ABHD2: variants seen among roughly 807,000 people sequenced by gnomAD.
The protein encoded by ABHD2 is abhydrolase domain containing 2, acylglycerol lipase, also known as monoacylglycerol lipase ABHD2.
In ABHD2, 20 loss-of-function variants were observed where a neutral mutation model predicts 48.1. That is an observed-to-expected ratio of 0.42 (90% CI 0.29 to 0.60). ABHD2 has a LOEUF of 0.60. Among genes scored for constraint, ABHD2 ranks in the 20% least tolerant of loss-of-function variants. ABHD2 has a pLI of 0.24. For missense variants in ABHD2, 405 were observed against 550.9 expected (o/e 0.74, Z 2.65); for synonymous variants, 209 against 214.2 (o/e 0.98, Z 0.21).
Position 89,129,408 on chromosome 15 carries a change from C to T in ABHD2, c.194+12887C>T, listed in dbSNP as rs143228867. 3.3e-3 allele frequency among the ~76,000 whole-genome samples: 508 copies of T among 152,094 alleles called. 7 individuals carry two copies. The highest frequency in any genetic ancestry group is 0.012 in the African/African-American group (484 of 41,456). On this transcript the variant is annotated intron_variant, in intron 3 of 10. Transcript: ENST00000352732. ...CTGACCAAAGGCCATCTACCTTGGC[C>T]AGAAAGGATCAGGGATTTTTGAGAA...
chr15:89,140,711 G>A (rs1214899121), intron 3 of ABHD2, among the ~76,000 whole-genome samples: 4 of 152,088 alleles, frequency 2.6e-5, no homozygotes, highest in Non-Finnish European at 4.4e-5. Context: ...ACCTCTGCTG[G>A]TACCAGGGCC....
intron 5 of ABHD2, among the ~76,000 whole-genome samples, chr15:89,170,052 T>TCAGAGC (rs1596140877): frequency 7.2e-6 from 1 of 138,502 alleles, no homozygotes; most frequent in Non-Finnish European, 1.5e-5. Flanking sequence ...TTAAGATGGC[T>TCAGAGC]CAGAGCCATT....
At chr15:89,135,913 T>G in intron 3 of ABHD2, 18 of 566,448 alleles carry the variant, frequency 3.2e-5, no homozygotes, top group East Asian at 3.2e-5. Flanking sequence ...TTGGGTGCAC[T>G]GGGATCCTTT....
At chr15:89,064,090 GAGTAGA>G in the ABHD2 span, among the ~76,000 whole-genome samples, 1 of 151,912 alleles carries the variant, frequency 6.6e-6, no homozygotes, top group Non-Finnish European at 1.5e-5. Context: ...TATCTCATCT[GAGTAGA>G]ATCATACAGT....
upstream of ABHD2, among the ~76,000 whole-genome samples, chr15:89,083,312 T>G (rs773755482): frequency 6.6e-6 from 1 of 152,180 alleles, no homozygotes; most frequent in Non-Finnish European, 1.5e-5. The surrounding 1 kb of genome is among the most constrained non-coding windows in gnomAD (Gnocchi z 5.1). Context: ...TATCGACTGT[T>G]TTGCAATTAA....
In ABHD2 at chr15:89,151,990, C is replaced by CCCAACTTAGGGAGCA. The variant is rs1275761937; in HGVS notation, c.370+138_370+139insCCAACTTAGGGAGCA. 7 of 1,135,202 alleles carry CCCAACTTAGGGAGCA rather than the reference C, an allele frequency of 6.2e-6. No homozygotes were observed. The African/African-American group carries it at 1.1e-4, about 18-fold the overall frequency. 70.3% of individuals were successfully genotyped at this position (1,135,202 alleles called of 1,614,324 possible). A position where few individuals can be genotyped will look rare whatever the true frequency, so the allele number is the denominator to read the frequency against. ...GGCTGTTGGGAAGCCTGCTGGGATT[C>CCCAACTTAGGGAGCA]GTCACTTAGGAGCAGCCTGCAAAGG... On this transcript the variant is annotated intron_variant, in intron 4 of 10. Transcript: ENST00000352732. This position sits in a 1 kb window ranked among gnomAD's most constrained non-coding sequence, Gnocchi z 4.7.
intron 1 of ABHD2, among the ~76,000 whole-genome samples, chr15:89,107,526 C>A (rs370025981): frequency 1.1e-4 from 16 of 152,062 alleles, no homozygotes; most frequent in African/African-American, 3.9e-4. Context: ...ATGGTAATAG[C>A]GAATATTTTG....
the ABHD2 span, among the ~76,000 whole-genome samples, chr15:89,053,071 G>A: frequency 7.3e-5 from 11 of 151,638 alleles, no homozygotes; most frequent in South Asian, 6.3e-4. Context: ...GGGTTCAAGC[G>A]ATTCTCCTGC....
chr15:89,056,907 C>CTTTTTTTTTTT, the ABHD2 span, among the ~76,000 whole-genome samples: 1 of 119,098 alleles, frequency 8.4e-6, no homozygotes. Context: ...ATAAGTGATA[C>CTTTTTTTTTTT]CTTTTTTTTT....
intron 3 of ABHD2, among the ~76,000 whole-genome samples, chr15:89,149,258 C>G (rs1417525089): frequency 1.3e-5 from 2 of 151,704 alleles, no homozygotes; most frequent in Admixed American, 6.6e-5. Context: ...CTGAGAATTA[C>G]TGCACCCCAC....
In ABHD2 at chr15:89,185,602, C is replaced by A. The variant is rs2051194030; in HGVS notation, c.815+86C>A. On this transcript the variant is annotated intron_variant, in intron 7 of 10. Transcript: ENST00000352732. This position sits in a 1 kb window ranked among gnomAD's most constrained non-coding sequence, Gnocchi z 5.9. ...ACCGTGAAAAGCCAGGACTCCTGTT[C>A]CTTCAGGGGAAAAAAAAAAATGCAG... 2 of 1,194,668 alleles carry A rather than the reference C, an allele frequency of 1.7e-6. No individual in the cohort carries two copies. Among genetic ancestry groups the A allele is most frequent in the Non-Finnish European group, 2.4e-6 (2 of 822,930 alleles). The allele number at this position is 1,194,668 out of a possible 1,614,324, so 74.0% of individuals were successfully genotyped here.
chr15:89,083,974 G>GC (rs1237461912), upstream of ABHD2, among the ~76,000 whole-genome samples: 5 of 152,122 alleles, frequency 3.3e-5, no homozygotes, highest in Non-Finnish European at 5.9e-5. The surrounding 1 kb of genome is among the most constrained non-coding windows in gnomAD (Gnocchi z 5.1). Flanking sequence ...TGACAATAAA[G>GC]CCACAATATT....
intron 3 of ABHD2, among the ~76,000 whole-genome samples, chr15:89,126,928 T>A (rs1449774454): frequency 6.6e-6 from 1 of 152,232 alleles, no homozygotes; most frequent in Non-Finnish European, 1.5e-5. Flanking sequence ...AGCATTTTCC[T>A]GAGTTTATAA....
At chr15:89,058,021 C>A in the ABHD2 span, among the ~76,000 whole-genome samples, 1 of 152,126 alleles carries the variant, frequency 6.6e-6, no homozygotes, top group Non-Finnish European at 1.5e-5. Context: ...GGCAAGAGAA[C>A]GAATGGAAGC....
Position 89,146,415 on chromosome 15 carries a change from G to A in ABHD2, c.195-5262G>A, listed in dbSNP as rs2050493441. Among the ~76,000 whole-genome samples the A allele has an allele frequency of 6.9e-6, 1 of 145,376 alleles. No individual in the cohort carries two copies. The highest frequency in any genetic ancestry group is 1.5e-5 in the Non-Finnish European group (1 of 65,694). On this transcript the variant is annotated intron_variant, in intron 3 of 10. Transcript: ENST00000352732. The surrounding 1 kb of genome is among the most constrained non-coding windows in gnomAD (Gnocchi z 4.2). ...GTGTGTGTGTACGTATGTATATGGG[G>A]GGTGGGAGGGAGATCCAGACCCTTG...
Position 89,199,701 on chromosome 15 carries a change from T to G in ABHD2, c.*4278T>G, listed in dbSNP as rs927719339. The G allele has an allele frequency of 6.6e-6, 1 of 152,508 alleles. No individual in the cohort carries two copies. Among genetic ancestry groups the G allele is most frequent in the Admixed American group, 6.5e-5 (1 of 15,272 alleles). The allele number at this position is 152,508 out of a possible 1,614,324, so 9.4% of individuals were successfully genotyped here. The stretch of plus-strand genomic sequence containing the variant: ...GTTGTTCAAAGCCACTTTGGATTGC[T>G]TGGATGCTTCGAACAGCCATGAAAA... On this transcript the variant is annotated 3_prime_UTR_variant, in exon 11 of 11. Coordinates refer to ENST00000352732, the MANE Select transcript of ABHD2 (RefSeq NM_152924.5). This position sits in a 1 kb window ranked among gnomAD's most constrained non-coding sequence, Gnocchi z 4.1.
intron 1 of ABHD2, among the ~76,000 whole-genome samples, chr15:89,107,932 A>T (rs144358589): frequency 6.6e-6 from 1 of 152,316 alleles, no homozygotes; most frequent in East Asian, 1.9e-4. Context: ...CTAAGAGGAA[A>T]GGAAAGGATG....
At chr15:89,047,460 T>C in the ABHD2 span, among the ~76,000 whole-genome samples, 27 of 151,448 alleles carry the variant, frequency 1.8e-4, no homozygotes, top group Non-Finnish European at 3.4e-4. Flanking sequence ...CTTGTTGACT[T>C]TCTGTCTCAT....
At chr15:89,070,923 A>G in the ABHD2 span, among the ~76,000 whole-genome samples, 1 of 151,774 alleles carries the variant, frequency 6.6e-6, no homozygotes, top group Non-Finnish European at 1.5e-5. Flanking sequence ...GCCGTCCGGA[A>G]GGGCCTTCCT....
Sources: allele counts gnomAD v4.1 joint callset (sites outside exome capture counted in the v4.1 genomes callset), GRCh38; gene constraint gnomAD v4.1.1; non-coding constraint Gnocchi (gnomAD v3.1); transcripts MANE v1.5; gene names NCBI Gene and HGNC (gene_info 2026-07-23, HGNC 2026-07-21).